The following NRXN1 variants were observed in gnomAD, a reference collection of about 807,000 sequenced individuals.
NRXN1 encodes the protein neurexin-1.
NRXN1 carries 39 observed loss-of-function variants against 150.9 expected under a neutral mutation model. The observed-to-expected ratio is 0.26, with a 90% confidence interval of 0.20 to 0.34. The LOEUF (loss-of-function observed/expected upper bound fraction) is 0.34. NRXN1 is among the 10% of genes least tolerant of loss of function. The pLI, the probability that NRXN1 is intolerant of heterozygous loss-of-function variation, is 1.00. For missense variants in NRXN1, 1,815 were observed against 1,949.9 expected (o/e 0.93, Z 1.30); for synonymous variants, 924 against 757.0 (o/e 1.22, Z -3.62).
intron 10 of NRXN1, among the ~76,000 whole-genome samples, chr2:50,536,761 C>A (rs1161888470): frequency 6.6e-6 from 1 of 151,974 alleles, no homozygotes; most frequent in African/African-American, 2.4e-5. Context: ...TTGGCAATTT[C>A]CAAAAACAAA....
intron 5 of NRXN1, among the ~76,000 whole-genome samples, chr2:50,855,765 T>C (rs6751172): frequency 0.55 from 82,956 of 151,886 alleles, 24,623 homozygotes; most frequent in Non-Finnish European, 0.68. Context: ...ATTGAATATC[T>C]TACTATGTCC....
intron 17 of NRXN1, among the ~76,000 whole-genome samples, chr2:50,308,500 TA>T (rs576107191): frequency 1.1e-3 from 170 of 151,990 alleles, no homozygotes; most frequent in African/African-American, 4.0e-3. Flanking sequence ...CGTAAGTTTT[TA>T]TTTTTTTTTA....
intron 5 of NRXN1, chr2:50,919,638 G>C (rs1468409785): frequency 6.6e-6 from 1 of 151,584 alleles, no homozygotes; most frequent in Non-Finnish European, 1.5e-5. Flanking sequence ...GGAAACATAA[G>C]TTTACACTGT....
intron 5 of NRXN1, among the ~76,000 whole-genome samples, chr2:50,692,187 T>C (rs1469467501): frequency 1.3e-5 from 2 of 152,172 alleles, no homozygotes; most frequent in Non-Finnish European, 2.9e-5. Flanking sequence ...TTGGTAAATA[T>C]TATCTGAATA....
intron 18 of NRXN1, among the ~76,000 whole-genome samples, chr2:50,126,332 T>C (rs570191773): frequency 2.0e-5 from 3 of 152,068 alleles, no homozygotes; most frequent in East Asian, 1.9e-4. Flanking sequence ...TATTGCTCCA[T>C]CATTATAACA....
chr2:51,008,320 G>T (rs1331172241), intron 2 of NRXN1, among the ~76,000 whole-genome samples: 1 of 151,924 alleles, frequency 6.6e-6, no homozygotes, highest in Non-Finnish European at 1.5e-5. Flanking sequence ...CATAGAACCT[G>T]CCTGAGCTAT....
chr2:50,288,051 T>A (rs574664359), intron 17 of NRXN1, among the ~76,000 whole-genome samples: 23 of 152,228 alleles, frequency 1.5e-4, no homozygotes, highest in African/African-American at 5.5e-4. Flanking sequence ...CCTAAATACA[T>A]CTTTGAGGCT....
intron 8 of NRXN1, among the ~76,000 whole-genome samples, chr2:50,593,258 A>T (rs938467753): frequency 6.6e-6 from 1 of 152,178 alleles, no homozygotes; most frequent in African/African-American, 2.4e-5. Context: ...TTTGGAGCAT[A>T]TTTTCTTCAT....
chr2:50,590,111 GT>G (rs1220152254), intron 8 of NRXN1, among the ~76,000 whole-genome samples: 1 of 152,158 alleles, frequency 6.6e-6, no homozygotes, highest in Non-Finnish European at 1.5e-5. Flanking sequence ...CAATATGTAA[GT>G]TTTAAAACAC....
chr2:50,407,562 G>C (rs1200940323), intron 17 of NRXN1, among the ~76,000 whole-genome samples: 1 of 152,086 alleles, frequency 6.6e-6, no homozygotes, highest in Non-Finnish European at 1.5e-5. Flanking sequence ...CTTTTAAGAG[G>C]TGATTGGGTC....
chr2:50,888,852 A>C (rs1173374034), intron 5 of NRXN1, among the ~76,000 whole-genome samples: 3 of 151,644 alleles, frequency 2.0e-5, no homozygotes, highest in Non-Finnish European at 4.4e-5. Flanking sequence ...CTGATTAAGA[A>C]ATGGCTTCCT....
intron 5 of NRXN1, among the ~76,000 whole-genome samples, chr2:50,809,178 G>C (rs1412970887): frequency 6.6e-6 from 1 of 152,088 alleles, no homozygotes; most frequent in Non-Finnish European, 1.5e-5. Flanking sequence ...CTACGAAGTT[G>C]TTAGAATGAG....
chr2:50,632,162 G>C (rs1182088773), intron 5 of NRXN1, among the ~76,000 whole-genome samples: 1 of 151,920 alleles, frequency 6.6e-6, no homozygotes, highest in Non-Finnish European at 1.5e-5. Context: ...ACTTGGTCAA[G>C]GCAATATATT....
At chr2:50,722,435 A>G (rs1462435481) in intron 5 of NRXN1, among the ~76,000 whole-genome samples, 1 of 152,184 alleles carries the variant, frequency 6.6e-6, no homozygotes, top group Non-Finnish European at 1.5e-5. Flanking sequence ...TATCCACACA[A>G]TGGAATACCA....
At chr2:50,640,492 C>T (rs919215695) in intron 5 of NRXN1, among the ~76,000 whole-genome samples, 3 of 152,138 alleles carry the variant, frequency 2.0e-5, no homozygotes, top group African/African-American at 7.2e-5. Flanking sequence ...GCATTTCTTC[C>T]TCCCCTTTCC....
chr2:50,429,733 T>A (rs1013570215), intron 17 of NRXN1, among the ~76,000 whole-genome samples: 1 of 152,120 alleles, frequency 6.6e-6, no homozygotes, highest in Non-Finnish European at 1.5e-5. Context: ...TTGAGGCAAT[T>A]GAGCATCAGC....
chr2:50,129,615 T>C (rs1349339324), intron 18 of NRXN1, among the ~76,000 whole-genome samples: 1 of 152,206 alleles, frequency 6.6e-6, no homozygotes, highest in Non-Finnish European at 1.5e-5. Context: ...ACAAAACTAT[T>C]AATTTTAATG....
intron 2 of NRXN1, among the ~76,000 whole-genome samples, chr2:50,976,339 AT>A (rs922267067): frequency 6.6e-6 from 1 of 151,596 alleles, no homozygotes; most frequent in Non-Finnish European, 1.5e-5. Flanking sequence ...ATTTGCTTGA[AT>A]TTTTTCCCTT....
chr2:50,611,076 C>T (rs1678037928), intron 8 of NRXN1, among the ~76,000 whole-genome samples: 1 of 150,560 alleles, frequency 6.6e-6, no homozygotes, highest in Non-Finnish European at 1.5e-5. Flanking sequence ...TGTTGATTAA[C>T]ATAATGCACA....
Sources: gnomAD v4.1 joint callset for allele counts (sites outside exome capture counted in the v4.1 genomes callset) on GRCh38, gnomAD v4.1.1 for gene constraint, MANE v1.5 for transcripts, NCBI Gene and HGNC (gene_info 2026-07-23, HGNC 2026-07-21) for gene names.